Variants in GMPR2 observed in about 807,000 individuals in gnomAD.
The protein encoded by GMPR2 is guanosine monophosphate reductase 2.
In GMPR2, 32 loss-of-function variants were observed where a neutral mutation model predicts 38.5. The observed-to-expected ratio is 0.83, with a 90% confidence interval of 0.63 to 1.12. The LOEUF (loss-of-function observed/expected upper bound fraction) is 1.12. Ranked by LOEUF, GMPR2 falls within the 50% of genes most tolerant of loss-of-function variation. The pLI is 0.00. For synonymous variants in GMPR2, 154 were observed against 151.0 expected, an observed-to-expected ratio of 1.02 and a Z score of -0.15; for missense variants, 396 against 432.1, an observed-to-expected ratio of 0.92 and a Z score of 0.74.
At chr14:24,237,688 C>T (rs955005415) in intron 8 of GMPR2, 126 bp downstream of exon 8, 7 of 872,804 alleles carry the variant, frequency 8.0e-6, no homozygotes, top group African/African-American at 3.3e-5. Flanking sequence ...GAATTAGTGA[C>T]TCCGAAGTCT....
intron 3 of GMPR2, 179 bp downstream of exon 3, chr14:24,233,777 C>G (rs2040200198): frequency 1.4e-6 from 1 of 694,558 alleles, no homozygotes; most frequent in Non-Finnish European, 2.5e-6. Context: ...AAAAGGCCAT[C>G]TGAATTAGTG....
chr14:24,238,228 C>G lies in GMPR2; in HGVS notation c.698-18C>G, dbSNP rs748680545. ...CTTGGCCAGATTAATCTCTTTCCCC[C>G]CTCCATGATGGTGGCAGGGGCAGGA... On this transcript the variant is annotated intron_variant, in intron 8 of 9. Transcript: ENST00000399440. 1.0e-5 allele frequency: 16 copies of G among 1,597,398 alleles called. No homozygotes were observed. Among genetic ancestry groups the G allele is most frequent in the Admixed American group, 1.7e-5 (1 of 58,902 alleles).
chr14:24,233,219 C>T lies in GMPR2; in HGVS notation c.-35C>T, dbSNP rs1375954782. The T allele has an allele frequency of 1.2e-6, 2 of 1,613,412 alleles. No homozygotes were observed. The highest frequency in any genetic ancestry group is 2.2e-5 in the East Asian group (1 of 44,890). On this transcript the variant is annotated splice_region_variant and 5_prime_UTR_variant, in exon 2 of 10. Transcript: ENST00000399440. Reference sequence around the variant, plus strand: ...GTCCTTATGACTTCCTGCCTTCCAGCCCTCAGATTCATCGCTACCCCGAGG... The same window carrying T: ...GTCCTTATGACTTCCTGCCTTCCAGTCCTCAGATTCATCGCTACCCCGAGG...
chr14:24,233,870 C>T, intron 3 of GMPR2: 1 of 548,300 alleles, frequency 1.8e-6, no homozygotes, highest in Non-Finnish European at 3.2e-6. Context: ...GTTTGTACAC[C>T]TTGCCAACTT....
intron 3 of GMPR2, chr14:24,235,436 G>T: frequency 2.4e-6 from 1 of 419,462 alleles, no homozygotes; most frequent in Non-Finnish European, 4.3e-6. Context: ...CTGTCCCACT[G>T]CACCAGCAGC....
At chr14:24,237,740 C>G in intron 8 of GMPR2, 178 bp downstream of exon 8, 1 of 639,518 alleles carries the variant, frequency 1.6e-6, no homozygotes, top group Non-Finnish European at 2.7e-6. Context: ...ATCTGAGACT[C>G]CAAGTGTGGG....
Position 24,237,960 on chromosome 14 carries a change from T to G in GMPR2, c.698-286T>G, listed in dbSNP as rs186010597. 44 of 468,782 alleles carry G rather than the reference T, an allele frequency of 9.4e-5. 2 individuals carry two copies. The Admixed American group carries it at 1.3e-3, about 13-fold the overall frequency. The allele number at this position is 468,782 out of a possible 1,614,324, so 29.0% of individuals were successfully genotyped here. On this transcript the variant is annotated intron_variant, in intron 8 of 9. Transcript: ENST00000399440. Reference sequence around the variant, plus strand: ...TCTTATTTAGCTGGGCACAGTAAAATCAAATGACCAGACGATGATGGTAAA... The same window carrying G: ...TCTTATTTAGCTGGGCACAGTAAAAGCAAATGACCAGACGATGATGGTAAA...
At chr14:24,235,231 C>T (rs2040280773) in intron 3 of GMPR2, 1 of 154,844 alleles carries the variant, frequency 6.5e-6, no homozygotes, top group African/African-American at 2.4e-5. Flanking sequence ...GGTAGGGTAG[C>T]CCCTTATCAG....
Position 24,233,492 on chromosome 14 carries a change from G to T in GMPR2, c.101G>T (p.Arg34Ile), listed in dbSNP as rs756123492. ...LKSRSEVDLTRSFSFRNSKQT... is the reference protein window; with the variant it reads ...LKSRSEVDLTISFSFRNSKQT... ...TCATATCTGCAGGTGGATCTCACAAGATCCTTTTCATTTCGGAACTCAAAG... is the reference window on the plus strand; with the variant it reads ...TCATATCTGCAGGTGGATCTCACAATATCCTTTTCATTTCGGAACTCAAAG... Residue 34 changes from arginine (R) to isoleucine (I), a missense_variant, in exon 3 of 10, where the codon AGA becomes ATA. Physicochemically the swap from Arg to Ile is moderately conservative, Grantham distance 97 (BLOSUM62 -3). Transcript: ENST00000399440. The T allele has an allele frequency of 6.2e-7, 1 of 1,614,012 alleles. No homozygotes were observed. The highest frequency in any genetic ancestry group is 8.5e-7 in the Non-Finnish European group (1 of 1,179,952).
At chr14:24,233,072 C>T in intron 1 of GMPR2, 95 bp downstream of exon 1, 1 of 966,602 alleles carries the variant, frequency 1.0e-6, no homozygotes, top group South Asian at 1.5e-5. Flanking sequence ...TAATCGCAGC[C>T]ACGGGATGGG....
chr14:24,239,039 C>G lies in GMPR2; in HGVS notation c.*261C>G. 1 of 575,192 alleles carries G rather than the reference C, an allele frequency of 1.7e-6. No individual in the cohort carries two copies. Among genetic ancestry groups the G allele is most frequent in the African/African-American group, 1.8e-5 (1 of 54,452 alleles). The allele number at this position is 575,192 out of a possible 1,614,324, so 35.6% of individuals were successfully genotyped here. On this transcript the variant is annotated 3_prime_UTR_variant, in exon 10 of 10. Coordinates refer to ENST00000399440, the MANE Select transcript of GMPR2 (RefSeq NM_001002002.3). ...ATCAAATGGGAATCTGGGGACCCAA[C>G]ACAACATCCTGAAGATTATTAAAAG...
chr14:24,237,617 C>A, intron 8 of GMPR2, 55 bp downstream of exon 8: 1 of 1,470,240 alleles, frequency 6.8e-7, no homozygotes. Flanking sequence ...TGAATCACCT[C>A]TGAGGGTCTA....
At position 24,236,126 on chromosome 14, in the gene GMPR2, C is replaced by G. The variant is rs776462035; in HGVS notation, c.451C>G (p.Gln151Glu). The G allele has an allele frequency of 6.2e-7, 1 of 1,613,644 alleles. No homozygotes were observed. Among genetic ancestry groups the G allele is most frequent in the South Asian group, 1.1e-5 (1 of 91,052 alleles). ...FVKDVRKRFP[Q>E]HTIMAGNVVT... The stretch of plus-strand genomic sequence containing the variant: ...AAAAGATGTACGGAAGCGCTTCCCC[C>G]AGCACACCATCATGGTATGTTTCTA... Residue 151 changes from glutamine to glutamate, a missense_variant, in exon 5 of 10, where the codon CAG (glutamine) becomes GAG (glutamate). Transcript: ENST00000399440.
intron 6 of GMPR2, 27 bp from the exon 7 acceptor site, chr14:24,237,217 AT>A (rs760069030): frequency 1.5e-5 from 24 of 1,565,328 alleles, no homozygotes; most frequent in Non-Finnish European, 2.1e-5. Flanking sequence ...GGAGCACGTC[AT>A]TCTTACCCTT....
Position 24,238,251 on chromosome 14 carries a change from G to A in GMPR2, c.703G>A (p.Gly235Arg), listed in dbSNP as rs749622591. The change falls in exon 9 of 10, where the codon GGA becomes AGA. Residue 235 changes from glycine (G) to arginine (R), a missense_variant. Physicochemically the swap from Gly to Arg is moderately radical, Grantham distance 125 (BLOSUM62 -2). Transcript: ENST00000399440. ...CCCCTCCATGATGGTGGCAGGGGCA[G>A]GAGCTGACTTCGTGATGCTGGGTGG... ...PGDVAKAFGA[G>R]ADFVMLGGML... 4 of 1,610,528 alleles carry A rather than the reference G, an allele frequency of 2.5e-6. No individual in the cohort carries two copies. In the South Asian group the frequency reaches 4.4e-5, roughly 18 times the overall value.
chr14:24,235,498 C>T (rs1010718066), intron 3 of GMPR2: 21 of 537,980 alleles, frequency 3.9e-5, no homozygotes, highest in South Asian at 2.9e-4. Context: ...TGAAATCCAA[C>T]CCAGATCACT....
chr14:24,237,011 C>A, intron 5 of GMPR2, 60 bp from the exon 6 acceptor site: 1 of 1,236,854 alleles, frequency 8.1e-7, no homozygotes, highest in South Asian at 1.2e-5. Flanking sequence ...CATACCGTAA[C>A]AATACATGAC....
Position 24,237,092 on chromosome 14 carries a change from G to A in GMPR2, c.487G>A (p.Glu163Lys), listed in dbSNP as rs2040379516. The part of the protein sequence containing the change: ...TIMAGNVVTG[E>K]MVEELILSGA... ...TCAGGCAGGGAATGTGGTAACAGGA[G>A]AGATGGTAGAAGAGCTCATCCTTTC... The change falls in exon 6 of 10, where the codon GAG (glutamate) becomes AAG (lysine). Residue 163 changes from glutamate to lysine, a missense_variant. Coordinates refer to ENST00000399440, the MANE Select transcript of GMPR2 (RefSeq NM_001002002.3). 6.2e-7 allele frequency: 1 copy of A among 1,613,304 alleles called. No individual in the cohort carries two copies. The highest frequency in any genetic ancestry group is 1.7e-5 in the Admixed American group (1 of 60,014).
rs549885104 is a variant in GMPR2, at chr14:24,236,966, T to C, written c.466-105T>C. 13 of 897,964 alleles carry C rather than the reference T, an allele frequency of 1.4e-5. No homozygotes were observed. The South Asian group carries it at 2.0e-4, about 14-fold the overall frequency. 55.6% of individuals were successfully genotyped at this position (897,964 alleles called of 1,614,324 possible). A position where few individuals can be genotyped will look rare whatever the true frequency, so the allele number is the denominator to read the frequency against. On this transcript the variant is annotated intron_variant, in intron 5 of 9. Transcript: ENST00000399440. Reference sequence around the variant, plus strand: ...CCAGTAGAGGGGACCTAGTTATCCTTTCTTTGTAATAATGTTGGAAAGTCA... The same window carrying C: ...CCAGTAGAGGGGACCTAGTTATCCTCTCTTTGTAATAATGTTGGAAAGTCA...
Sources: allele counts gnomAD v4.1 joint callset, GRCh38; gene constraint gnomAD v4.1.1; transcripts MANE v1.5; gene names NCBI Gene and HGNC (gene_info 2026-07-23, HGNC 2026-07-21).